Variants in RTN2 observed in about 807,000 individuals in gnomAD.
RTN2 encodes the protein reticulon 2, also known as reticulon-2.
In RTN2, 36 loss-of-function variants were observed where a neutral mutation model predicts 63.7. The ratio of observed to expected loss-of-function variants is 0.56; its 90% CI spans 0.43 to 0.75. The LOEUF (loss-of-function observed/expected upper bound fraction) is 0.75, where lower values mean the gene tolerates loss of function less well. Among genes scored for constraint, RTN2 ranks in the 30% least tolerant of loss-of-function variants. The probability of loss-of-function intolerance (pLI) is 0.00; values close to 1 mark genes in which losing one functional copy is unlikely to be tolerated. For missense variants in RTN2, 673 were observed against 705.1 expected, an observed-to-expected ratio of 0.95 and a Z score of 0.52; for synonymous variants, 312 against 313.0, an observed-to-expected ratio of 1.00 and a Z score of 0.03.
chr19:45,491,918 C>G (rs527410472), intron 5 of RTN2, among the ~76,000 whole-genome samples: 1 of 151,940 alleles, frequency 6.6e-6, no homozygotes, highest in Non-Finnish European at 1.5e-5. Context: ...CATGAGCCAC[C>G]GCGCTCGGTC....
chr19:45,487,997 A>G (rs1158003610), intron 9 of RTN2, among the ~76,000 whole-genome samples: 2 of 150,166 alleles, frequency 1.3e-5, no homozygotes, highest in Admixed American at 6.6e-5. Flanking sequence ...TCACGCCTGT[A>G]ATCCCAGCAC....
intron 5 of RTN2, 45 bp from the exon 6 acceptor site, chr19:45,489,598 G>C: frequency 7.0e-7 from 1 of 1,434,364 alleles, no homozygotes; most frequent in Non-Finnish European, 9.6e-7. Context: ...TGACCTGGCT[G>C]GTCTCCTCAC....
chr19:45,486,502 T>A (rs891808039), intron 9 of RTN2, among the ~76,000 whole-genome samples: 12 of 152,076 alleles, frequency 7.9e-5, no homozygotes, highest in African/African-American at 2.9e-4. Flanking sequence ...TTTTAAAAAA[T>A]TATTTATTTA....
chr19:45,494,761 G>A lies in RTN2; in HGVS notation c.324C>T (p.Ser108=), dbSNP rs1456906875. 6.2e-7 allele frequency: 1 copy of A among 1,608,766 alleles called. No homozygotes were observed. The highest frequency in any genetic ancestry group is 8.5e-7 in the Non-Finnish European group (1 of 1,179,954). ...DQHPQPSLGD[S]LESIPSLSQS... is the part of the protein sequence containing the mutation. ...GGCTCAGGCTGGGGATGCTCTCCAA[G>A]CTGTCGCCCAGGCTGGGCTGAGGGT... The change falls in exon 3 of 11, where the codon AGC becomes AGT. Residue 108 remains serine (S), a synonymous_variant. Transcript: ENST00000245923. The surrounding 1 kb of genome is among the most constrained non-coding windows in gnomAD (Gnocchi z 5.3).
Position 45,497,012 on chromosome 19 carries a change from C to G in RTN2, c.-187G>C, listed in dbSNP as rs1568626761. The G allele has an allele frequency of 4.0e-6, 1 of 247,250 alleles. No homozygotes were observed. Among genetic ancestry groups the G allele is most frequent in the East Asian group, 8.8e-5 (1 of 11,356 alleles). The allele number at this position is 247,250 out of a possible 1,614,324, so 15.3% of individuals were successfully genotyped here. On this transcript the variant is annotated 5_prime_UTR_variant, in exon 1 of 11. Coordinates refer to ENST00000245923, the MANE Select transcript of RTN2 (RefSeq NM_005619.5). The stretch of plus-strand genomic sequence containing the variant: ...GCCGCCGCCCTGGTGCTCGGCTCGG[C>G]GGGGGCGGGCGGGGCCGAGGTGGGG...
chr19:45,486,724 TTTTC>T (rs1224454255), intron 9 of RTN2, among the ~76,000 whole-genome samples: 10 of 145,700 alleles, frequency 6.9e-5, no homozygotes, highest in African/African-American at 1.5e-4. Context: ...TTTTTTTTCT[TTTTC>T]TTTCTTTCTT....
chr19:45,495,717 T>G (rs1968255685), intron 1 of RTN2, among the ~76,000 whole-genome samples: 1 of 152,034 alleles, frequency 6.6e-6, no homozygotes, highest in Non-Finnish European at 1.5e-5. Flanking sequence ...AGAAAGCCAG[T>G]GCAAAGGCCC....
At position 45,489,516 on chromosome 19, in the gene RTN2, T is replaced by A. The variant is rs779389687; in HGVS notation, c.1071A>T (p.Ser357=). The change falls in exon 6 of 11, where the codon TCA becomes TCT. Residue 357 remains serine (S), a synonymous_variant. Coordinates refer to ENST00000245923, the MANE Select transcript of RTN2 (RefSeq NM_005619.5). ...DLLYWKDTRT[S]GVVFTGLMVS... is the part of the protein sequence containing the mutation. The stretch of plus-strand genomic sequence containing the variant: ...CCATCAGGCCTGTGAAGACCACTCC[T>A]GACGTCCTCGTGTCCTTCCAGTACA... 3 of 1,610,322 alleles carry A rather than the reference T, an allele frequency of 1.9e-6. No homozygotes were observed. The highest frequency in any genetic ancestry group is 2.5e-6 in the Non-Finnish European group (3 of 1,178,362).
Position 45,494,371 on chromosome 19 carries a change from C to G in RTN2, c.609G>C (p.Leu203Phe). The G allele has an allele frequency of 6.2e-7, 1 of 1,614,022 alleles. No individual in the cohort carries two copies. ...CAGAGCCCGGACTGAGCTGGGGAGT[C>G]AAGACCTCGGGCGATGAGGGCTGAG... ...RLAQPSSPEV[L>F]TPQLSPGSGT... Residue 203 changes from leucine to phenylalanine, a missense_variant, in exon 4 of 11, where the codon TTG (leucine) becomes TTC (phenylalanine). Coordinates refer to ENST00000245923, the MANE Select transcript of RTN2 (RefSeq NM_005619.5). The surrounding 1 kb of genome is among the most constrained non-coding windows in gnomAD (Gnocchi z 5.3).
chr19:45,493,151 C>T lies in RTN2; in HGVS notation c.1033+9G>A, dbSNP rs1162281040. ...CTCAGCCCCCGTCCAGCCCGTTCCG[C>T]AAGCCCACCTTTACTCCCCATATCG... On this transcript the variant is annotated intron_variant, in intron 5 of 10. Coordinates refer to ENST00000245923, the MANE Select transcript of RTN2 (RefSeq NM_005619.5). 2.5e-6 allele frequency: 4 copies of T among 1,611,144 alleles called. No individual in the cohort carries two copies. The Admixed American group carries it at 6.7e-5, about 27-fold the overall frequency.
chr19:45,491,417 G>A (rs1968157804), intron 5 of RTN2, among the ~76,000 whole-genome samples: 1 of 149,080 alleles, frequency 6.7e-6, no homozygotes. Flanking sequence ...CTGGAGTACA[G>A]TGGCATGATC....
At position 45,488,653 on chromosome 19, in the gene RTN2, C is replaced by G. The variant is rs1968080689; in HGVS notation, c.1434G>C (p.Leu478Phe). 1 of 1,613,960 alleles carries G rather than the reference C, an allele frequency of 6.2e-7. No individual in the cohort carries two copies. Among genetic ancestry groups the G allele is most frequent in the Non-Finnish European group, 8.5e-7 (1 of 1,179,956 alleles). ...CCAGCTCACCCAGAATGAGAAGAGT[C>G]AAACCATTGAAGATGGCACCCACGA... ...LTFVGAIFNG[L>F]TLLILGVIGL... The change falls in exon 8 of 11, where the codon TTG becomes TTC. Residue 478 changes from leucine (L) to phenylalanine (F), a missense_variant. By Grantham distance (22) the Leu-to-Phe change is conservative. Coordinates refer to ENST00000245923, the MANE Select transcript of RTN2 (RefSeq NM_005619.5).
chr19:45,489,928 C>T (rs111498342), intron 5 of RTN2, among the ~76,000 whole-genome samples: 14,938 of 152,058 alleles, frequency 0.098, 843 homozygotes, highest in East Asian at 0.2. Flanking sequence ...CTCAAGTTAT[C>T]CTCCTGCATC....
intron 1 of RTN2, 48 bp downstream of exon 1, chr19:45,496,744 A>ACCT (rs1476596715): frequency 7.3e-7 from 1 of 1,365,688 alleles, no homozygotes; most frequent in Admixed American, 2.7e-5. Context: ...GGAGTACCCC[A>ACCT]CCTGAACCTC....
At chr19:45,496,558 C>G in intron 1 of RTN2, 1 of 367,264 alleles carries the variant, frequency 2.7e-6, no homozygotes, top group Non-Finnish European at 4.9e-6. Context: ...GAGCGCAGCG[C>G]GCCCCCCGCC....
Position 45,485,707 on chromosome 19 carries a change from C to T in RTN2, c.*1G>A. The T allele has an allele frequency of 6.2e-7, 1 of 1,613,522 alleles. No homozygotes were observed. The highest frequency in any genetic ancestry group is 1.1e-5 in the South Asian group (1 of 91,062). ...GCGTCCTGCGGGCAGAGACACCGTT[C>T]TCATTCGGCTTTGGCTTTGGATCCG... On this transcript the variant is annotated 3_prime_UTR_variant, in exon 11 of 11. Transcript: ENST00000245923.
intron 6 of RTN2, 170 bp from the exon 7 acceptor site, chr19:45,489,156 G>T: frequency 1.1e-6 from 1 of 900,982 alleles, no homozygotes; most frequent in Non-Finnish European, 1.7e-6. Flanking sequence ...TCAGGGTCAG[G>T]GGAAGGGATC....
In RTN2 at chr19:45,485,865, T is replaced by C. The variant is rs1023176910; in HGVS notation, c.1557-76A>G. ...GGCATCTGGGGACAACGGGGAAAGC[T>C]GGGTGGGAAACTGACCAAGAGCCCG... On this transcript the variant is annotated intron_variant, in intron 10 of 10. Coordinates refer to ENST00000245923, the MANE Select transcript of RTN2 (RefSeq NM_005619.5). 4.3e-5 allele frequency: 57 copies of C among 1,339,406 alleles called. 1 individual carries two copies. In the South Asian group the frequency reaches 6.5e-4, roughly 15 times the overall value. The allele number at this position is 1,339,406 out of a possible 1,614,324, so 83.0% of individuals were successfully genotyped here.
intron 1 of RTN2, 103 bp downstream of exon 1, chr19:45,496,689 C>T: frequency 5.5e-6 from 4 of 725,086 alleles, no homozygotes; most frequent in Non-Finnish European, 8.1e-6. Flanking sequence ...ATGCCTCCTC[C>T]CCCCATCCCG....
Sources: gnomAD v4.1 joint callset for allele counts (sites outside exome capture counted in the v4.1 genomes callset) on GRCh38, gnomAD v4.1.1 for gene constraint, Gnocchi (gnomAD v3.1) non-coding constraint, MANE v1.5 for transcripts, NCBI Gene and HGNC (gene_info 2026-07-23, HGNC 2026-07-21) for gene names.